The following TMEM38B variants were observed in gnomAD, a reference collection of about 807,000 sequenced individuals.
TMEM38B encodes trimeric intracellular cation channel type B.
In TMEM38B, 24 loss-of-function variants were observed where a neutral mutation model predicts 28.7. That is an observed-to-expected ratio of 0.84 (90% confidence interval 0.61 to 1.18). The LOEUF is 1.18. Among genes scored for constraint, TMEM38B ranks in the 50% most tolerant of loss-of-function variants. TMEM38B has a pLI of 0.00. For synonymous variants in TMEM38B, 131 were observed against 127.7 expected (o/e 1.03, Z -0.17); for missense variants, 380 against 350.9 (o/e 1.08, Z -0.66).
intron 1 of TMEM38B, among the ~76,000 whole-genome samples, chr9:105,699,833 G>GT (rs952731648): frequency 6.6e-6 from 1 of 151,936 alleles, no homozygotes; most frequent in Admixed American, 6.6e-5. Flanking sequence ...GATAGTATAA[G>GT]TTTTTTTTGT....
chr9:105,744,091 A>G (rs959825654), intron 4 of TMEM38B, among the ~76,000 whole-genome samples: 1 of 152,108 alleles, frequency 6.6e-6, no homozygotes, highest in African/African-American at 2.4e-5. Context: ...AAGACATCAT[A>G]AATAAATACC....
At position 105,710,752 on chromosome 9, in the gene TMEM38B, A is replaced by G. The variant is rs920175842; in HGVS notation, c.269+4999A>G. The G allele has an allele frequency of 1.9e-5, 11 of 578,788 alleles. No homozygotes were observed. In the East Asian group the frequency reaches 4.5e-4, roughly 24 times the overall value. The allele number at this position is 578,788 out of a possible 1,614,324, so 35.9% of individuals were successfully genotyped here. A position where few individuals can be genotyped will look rare whatever the true frequency, so the allele number is the denominator to read the frequency against. On this transcript the variant is annotated intron_variant, in intron 2 of 5. Coordinates refer to ENST00000374692, the MANE Select transcript of TMEM38B (RefSeq NM_018112.3). ...GGCTATGTTCCTGACAAACAGAGAC[A>G]TGTTGGGGAGACGGCAGGTAGCGGG...
At chr9:105,729,008 A>C (rs1836631323) in intron 4 of TMEM38B, among the ~76,000 whole-genome samples, 1 of 152,086 alleles carries the variant, frequency 6.6e-6, no homozygotes. Flanking sequence ...AGATTGCAAA[A>C]ATTTTCTCCC....
chr9:105,703,710 T>C (rs1479598784), intron 1 of TMEM38B, among the ~76,000 whole-genome samples: 2 of 151,848 alleles, frequency 1.3e-5, no homozygotes, highest in Non-Finnish European at 2.9e-5. Context: ...CCAGCACCTG[T>C]TGTTTCCTGA....
At chr9:105,752,795 G>C (rs1309853195) in intron 5 of TMEM38B, among the ~76,000 whole-genome samples, 1 of 152,200 alleles carries the variant, frequency 6.6e-6, no homozygotes, top group Non-Finnish European at 1.5e-5. Context: ...TGCAGCAAGG[G>C]CATGGAACTA....
chr9:105,768,247 T>C (rs1419800716), intron 5 of TMEM38B, among the ~76,000 whole-genome samples: 1 of 152,162 alleles, frequency 6.6e-6, no homozygotes, highest in African/African-American at 2.4e-5. Flanking sequence ...ATTATTAAAA[T>C]GTTACATAAA....
chr9:105,745,164 C>G (rs1427610582), intron 4 of TMEM38B, among the ~76,000 whole-genome samples: 1 of 152,196 alleles, frequency 6.6e-6, no homozygotes, highest in Non-Finnish European at 1.5e-5. Flanking sequence ...AATCGCCACA[C>G]TGTCTTCACA....
At chr9:105,765,259 G>A (rs558913599) in intron 5 of TMEM38B, among the ~76,000 whole-genome samples, 2 of 152,150 alleles carry the variant, frequency 1.3e-5, no homozygotes, top group Non-Finnish European at 1.5e-5. Flanking sequence ...TAGCAAAGTA[G>A]CATTTAATAT....
At chr9:105,739,875 C>T (rs540961214) in intron 4 of TMEM38B, among the ~76,000 whole-genome samples, 8 of 151,732 alleles carry the variant, frequency 5.3e-5, no homozygotes, top group Admixed American at 4.6e-4. Flanking sequence ...TATTTAATTA[C>T]GTCTTTTTAA....
chr9:105,762,000 A>G (rs967218797), intron 5 of TMEM38B, among the ~76,000 whole-genome samples: 3 of 152,098 alleles, frequency 2.0e-5, no homozygotes, highest in African/African-American at 4.8e-5. Flanking sequence ...ACTTGGTACA[A>G]ACTTGAAGCA....
intron 4 of TMEM38B, among the ~76,000 whole-genome samples, chr9:105,739,063 C>T (rs182111173): frequency 7.9e-5 from 12 of 152,098 alleles, no homozygotes; most frequent in Non-Finnish European, 8.8e-5. Context: ...GGCTCACCTT[C>T]ATTCTTTTGT....
rs534908078 is a variant in TMEM38B at position 105,694,576 on chromosome 9, G to A, written c.-85G>A. On this transcript the variant is annotated 5_prime_UTR_variant, in exon 1 of 6. Transcript: ENST00000374692. Reference sequence around the variant, plus strand: ...CCGGCGCGGAGGAGCGGGCGGCCGCGGCTGTGCCCTCTCCTACTCCTCACC... The same window carrying A: ...CCGGCGCGGAGGAGCGGGCGGCCGCAGCTGTGCCCTCTCCTACTCCTCACC... 3 of 1,032,276 alleles carry A rather than the reference G, an allele frequency of 2.9e-6. No individual in the cohort carries two copies. Among genetic ancestry groups the A allele is most frequent in the African/African-American group, 3.4e-5 (2 of 58,912 alleles). The allele number at this position is 1,032,276 out of a possible 1,614,324, so 63.9% of individuals were successfully genotyped here. A position where few individuals can be genotyped will look rare whatever the true frequency, so the allele number is the denominator to read the frequency against.
intron 4 of TMEM38B, among the ~76,000 whole-genome samples, chr9:105,731,217 C>G (rs898857778): frequency 6.6e-6 from 1 of 151,840 alleles, no homozygotes; most frequent in East Asian, 1.9e-4. Flanking sequence ...TATAAATTTC[C>G]CTCTACACAC....
intron 3 of TMEM38B, 141 bp from the exon 4 acceptor site, chr9:105,722,392 GC>G: frequency 1.4e-6 from 1 of 697,700 alleles, no homozygotes; most frequent in Admixed American, 2.5e-5. Flanking sequence ...AATGTACAAG[GC>G]AACTTTTTTC....
chr9:105,753,119 G>GA (rs1209003042), intron 5 of TMEM38B, among the ~76,000 whole-genome samples: 6 of 152,022 alleles, frequency 3.9e-5, no homozygotes, highest in African/African-American at 1.4e-4. Flanking sequence ...CAAAAATAGA[G>GA]AAAAAATAAT....
chr9:105,733,197 G>C (rs1012662266), intron 4 of TMEM38B, among the ~76,000 whole-genome samples: 1 of 152,070 alleles, frequency 6.6e-6, no homozygotes, highest in African/African-American at 2.4e-5. Flanking sequence ...GTGCTGAGAA[G>C]AATGTATATT....
rs775588829 is a variant in TMEM38B at position 105,694,699 on chromosome 9, C to T, written c.39C>T (p.Ser13=). Residue 13 remains serine, a synonymous_variant, in exon 1 of 6, where the codon TCC becomes TCT. Coordinates refer to ENST00000374692, the MANE Select transcript of TMEM38B (RefSeq NM_018112.3). ...SPWDELALAF[S]RTSMFPFFDI... Reference sequence around the variant, plus strand: ...GGGACGAGTTGGCTCTGGCCTTCTCCCGCACGTCCATGTTTCCCTTTTTTG... The same window carrying T: ...GGGACGAGTTGGCTCTGGCCTTCTCTCGCACGTCCATGTTTCCCTTTTTTG... 4.3e-6 allele frequency: 7 copies of T among 1,613,920 alleles called. No homozygotes were observed. In the African/African-American group the frequency reaches 6.7e-5, roughly 15 times the overall value.
rs1837946759 is a variant in TMEM38B, at chr9:105,759,231, T to C, written c.660+11041T>C. 4 of 713,736 alleles carry C rather than the reference T, an allele frequency of 5.6e-6. No homozygotes were observed. In the South Asian group the frequency reaches 6.4e-5, roughly 11 times the overall value. 44.2% of individuals were successfully genotyped at this position (713,736 alleles called of 1,614,324 possible). ...ATATTATGAATTATTTGTGAACATT[T>C]TGGTTGTTTGTGGCTATGTCATAGT... On this transcript the variant is annotated intron_variant, in intron 5 of 5. Transcript: ENST00000374692.
At chr9:105,768,231 T>C (rs1050527897) in intron 5 of TMEM38B, among the ~76,000 whole-genome samples, 2 of 152,256 alleles carry the variant, frequency 1.3e-5, no homozygotes, top group African/African-American at 4.8e-5. Context: ...TGGATTACAT[T>C]GATTGATTAT....
Sources: allele counts gnomAD v4.1 joint callset (sites outside exome capture counted in the v4.1 genomes callset), GRCh38; gene constraint gnomAD v4.1.1; transcripts MANE v1.5; gene names NCBI Gene and HGNC (gene_info 2026-07-23, HGNC 2026-07-21).